ACSL1: variants seen among roughly 807,000 people sequenced by gnomAD.
ACSL1 encodes the protein long-chain-fatty-acid--CoA ligase 1.
A neutral mutation model predicts 98.4 loss-of-function variants in ACSL1; 41 were observed. The ratio of observed to expected loss-of-function variants is 0.42; its 90% confidence interval spans 0.32 to 0.54. ACSL1 has a LOEUF of 0.54. Ranked by LOEUF, ACSL1 falls within the 20% of genes least tolerant of loss-of-function variation. The pLI, the probability that ACSL1 is intolerant of heterozygous loss-of-function variation, is 0.13. For synonymous variants in ACSL1, 316 were observed against 322.7 expected (o/e 0.98, Z 0.22); for missense variants, 734 against 883.1 (o/e 0.83, Z 2.14).
chr4:184,768,977 G>A (rs1049012892), intron 11 of ACSL1, among the ~76,000 whole-genome samples: 4 of 152,060 alleles, frequency 2.6e-5, no homozygotes, highest in African/African-American at 7.3e-5. Flanking sequence ...GCTGAGGCTG[G>A]AGAATCGCTT....
At chr4:184,777,031 T>C in intron 5 of ACSL1, 48 bp from the exon 6 acceptor site, 1 of 1,510,610 alleles carries the variant, frequency 6.6e-7, no homozygotes, top group Non-Finnish European at 9.2e-7. Context: ...TGTCATCATG[T>C]AATCAATAAG....
chr4:184,802,088 A>G (rs762929091), intron 2 of ACSL1, among the ~76,000 whole-genome samples: 9 of 152,220 alleles, frequency 5.9e-5, no homozygotes, highest in Non-Finnish European at 1.2e-4. Context: ...AGCCTATGTG[A>G]TTAGCTGAGG....
rs1773223224 is a variant in ACSL1, at chr4:184,823,458, A to G, written c.-33+2458T>C. On this transcript the variant is annotated intron_variant, in intron 1 of 20. Transcript: ENST00000281455. ...AAATTCAATTGATCTTAAAAACTAA[A>G]CATTCCTCTAAGGTTACTGACTATA... Among the ~76,000 whole-genome samples the G allele has an allele frequency of 2.0e-5, 3 of 152,204 alleles. No homozygotes were observed. In the South Asian group the frequency reaches 6.2e-4, roughly 32 times the overall value.
intron 1 of ACSL1, among the ~76,000 whole-genome samples, chr4:184,809,245 GAA>G (rs1447046617): frequency 2.6e-5 from 4 of 152,146 alleles, no homozygotes; most frequent in Admixed American, 2.6e-4. Context: ...AGTTATCAGA[GAA>G]AGAGTGAGAC....
At chr4:184,758,050 A>C in intron 18 of ACSL1, 130 bp from the exon 19 acceptor site, 1 of 812,700 alleles carries the variant, frequency 1.2e-6, no homozygotes, top group Non-Finnish European at 1.9e-6. Flanking sequence ...TTCAGAACAT[A>C]CTACCCCCCT....
At chr4:184,823,325 C>T (rs752761420) in intron 1 of ACSL1, among the ~76,000 whole-genome samples, 22 of 152,212 alleles carry the variant, frequency 1.4e-4, no homozygotes, top group Admixed American at 5.9e-4. Flanking sequence ...ATCATCCAAA[C>T]AAGACTCTCC....
At chr4:184,770,765 T>C (rs1362275358) in intron 10 of ACSL1, among the ~76,000 whole-genome samples, 1 of 151,926 alleles carries the variant, frequency 6.6e-6, no homozygotes, top group African/African-American at 2.4e-5. Flanking sequence ...TCTGAGCACA[T>C]AGTACCTCAA....
intron 18 of ACSL1, among the ~76,000 whole-genome samples, chr4:184,759,242 T>G (rs1762546578): frequency 6.6e-6 from 1 of 152,204 alleles, no homozygotes; most frequent in Non-Finnish European, 1.5e-5. Context: ...CAGCATGATT[T>G]ATAAATCTCT....
At chr4:184,801,289 C>T (rs904743113) in intron 2 of ACSL1, among the ~76,000 whole-genome samples, 3 of 152,158 alleles carry the variant, frequency 2.0e-5, no homozygotes, top group African/African-American at 7.2e-5. Context: ...CCAAAAAGTG[C>T]GGATTCTTCT....
chr4:184,806,055 TCACTGC>T (rs1771379358), intron 1 of ACSL1, among the ~76,000 whole-genome samples: 1 of 152,192 alleles, frequency 6.6e-6, no homozygotes, highest in Admixed American at 6.5e-5. Flanking sequence ...GCTACTCCCG[TCACTGC>T]ATATCTGAGC....
intron 3 of ACSL1, among the ~76,000 whole-genome samples, chr4:184,785,961 G>A (rs1168459201): frequency 6.6e-6 from 1 of 152,154 alleles, no homozygotes; most frequent in African/African-American, 2.4e-5. Context: ...GTGCCTGTGA[G>A]GTGAACTGGT....
chr4:184,781,040 G>T (rs564752911), intron 4 of ACSL1, among the ~76,000 whole-genome samples: 83 of 152,136 alleles, frequency 5.5e-4, no homozygotes, highest in African/African-American at 1.9e-3. Context: ...TTCGAGGCCA[G>T]CCTGGCCAAC....
At chr4:184,788,587 G>C (rs963195311) in intron 3 of ACSL1, 30 bp downstream of exon 3, 2 of 1,551,108 alleles carry the variant, frequency 1.3e-6, no homozygotes, top group South Asian at 2.2e-5. Context: ...ACGGCGAGCG[G>C]GAGCCACGCA....
chr4:184,758,034 C>T (rs1230774338), intron 18 of ACSL1, 114 bp from the exon 19 acceptor site: 3 of 1,029,794 alleles, frequency 2.9e-6, no homozygotes, highest in Non-Finnish European at 4.4e-6. Context: ...AGTTATGGCT[C>T]ATCTATTCAG....
At chr4:184,787,445 G>A (rs963027752) in intron 3 of ACSL1, among the ~76,000 whole-genome samples, 5 of 152,214 alleles carry the variant, frequency 3.3e-5, no homozygotes, top group Admixed American at 2.6e-4. Flanking sequence ...TCACTCAGAG[G>A]TAGGGGATGA....
At chr4:184,770,305 T>C in intron 11 of ACSL1, 94 bp downstream of exon 11, 4 of 1,564,202 alleles carry the variant, frequency 2.6e-6, no homozygotes, top group Non-Finnish European at 3.5e-6. Flanking sequence ...GAAATGTGTG[T>C]GTCACTGGCA....
At chr4:184,819,694 A>C (rs1295106984) in intron 1 of ACSL1, among the ~76,000 whole-genome samples, 1 of 152,034 alleles carries the variant, frequency 6.6e-6, no homozygotes, top group African/African-American at 2.4e-5. Context: ...AGCAGGTAGG[A>C]AGCAAGCTGC....
intron 11 of ACSL1, among the ~76,000 whole-genome samples, chr4:184,769,810 A>C (rs1764215549): frequency 6.6e-6 from 1 of 152,234 alleles, no homozygotes; most frequent in South Asian, 2.1e-4. Context: ...ATTGTCAAAG[A>C]AGGAAAAAAG....
intron 1 of ACSL1, among the ~76,000 whole-genome samples, chr4:184,818,740 G>T (rs149235629): frequency 8.9e-4 from 136 of 152,258 alleles, no homozygotes; most frequent in Non-Finnish European, 1.6e-3. Flanking sequence ...GTGGAAGCCA[G>T]ATATGCACTC....
Sources: gnomAD v4.1 joint callset for allele counts (sites outside exome capture counted in the v4.1 genomes callset) on GRCh38, gnomAD v4.1.1 for gene constraint, MANE v1.5 for transcripts, NCBI Gene and HGNC (gene_info 2026-07-23, HGNC 2026-07-21) for gene names.